CDH18: variants seen among roughly 807,000 people sequenced by gnomAD.
CDH18 encodes the protein cadherin 18.
In CDH18, 31 loss-of-function variants were observed where a neutral mutation model predicts 67.9. That is an observed-to-expected ratio of 0.46 (90% CI 0.34 to 0.62). The LOEUF is 0.62. Ranked by LOEUF, CDH18 falls within the 20% of genes least tolerant of loss-of-function variation. The pLI, the probability that CDH18 is intolerant of heterozygous loss-of-function variation, is 0.01. For missense variants in CDH18, 890 were observed against 975.5 expected, an observed-to-expected ratio of 0.91 and a Z score of 1.17; for synonymous variants, 362 against 347.2, an observed-to-expected ratio of 1.04 and a Z score of -0.48.
chr5:19,826,920 TA>T (rs937757486), intron 3 of CDH18, among the ~76,000 whole-genome samples: 4 of 152,070 alleles, frequency 2.6e-5, no homozygotes, highest in African/African-American at 9.7e-5. Flanking sequence ...ATGTCCCAGT[TA>T]AAGGCACAGA....
intron 1 of CDH18, among the ~76,000 whole-genome samples, chr5:20,325,055 T>C (rs1179663876): frequency 6.6e-6 from 1 of 152,206 alleles, no homozygotes; most frequent in Non-Finnish European, 1.5e-5. Context: ...TTGGGAATGA[T>C]AATAACACCT....
At chr5:20,125,379 TG>T (rs1274255408) in intron 2 of CDH18, among the ~76,000 whole-genome samples, 1 of 152,046 alleles carries the variant, frequency 6.6e-6, no homozygotes, top group Non-Finnish European at 1.5e-5. Context: ...CTAGGTGATT[TG>T]GTATTTTGTA....
chr5:19,774,095 G>A (rs1029016902), intron 3 of CDH18, among the ~76,000 whole-genome samples: 10 of 152,080 alleles, frequency 6.6e-5, no homozygotes, highest in Non-Finnish European at 1.5e-4. Context: ...AATAACATGG[G>A]TTTGGTGCAC....
intron 2 of CDH18, among the ~76,000 whole-genome samples, chr5:20,089,617 C>T (rs1045040217): frequency 6.6e-6 from 1 of 152,016 alleles, no homozygotes; most frequent in African/African-American, 2.4e-5. Flanking sequence ...ATTTTCACTT[C>T]AGTGTGGTTC....
chr5:20,293,070 A>C (rs1488423184), intron 1 of CDH18, among the ~76,000 whole-genome samples: 2 of 152,084 alleles, frequency 1.3e-5, no homozygotes, highest in Non-Finnish European at 2.9e-5. Flanking sequence ...TAATCCCAGC[A>C]CTTTGGGAGG....
chr5:20,538,624 A>T (rs1002429483), intron 1 of CDH18, among the ~76,000 whole-genome samples: 2 of 152,146 alleles, frequency 1.3e-5, no homozygotes, highest in Non-Finnish European at 2.9e-5. Context: ...GTAGGGAGTT[A>T]ATCATGACCA....
intron 3 of CDH18, among the ~76,000 whole-genome samples, chr5:19,773,264 A>G (rs1030536020): frequency 6.6e-6 from 1 of 152,202 alleles, no homozygotes; most frequent in Non-Finnish European, 1.5e-5. Flanking sequence ...CAGAAGTCTG[A>G]AAAGGTAAGT....
At chr5:19,982,712 A>G (rs1336000243) in intron 1 of CDH18, among the ~76,000 whole-genome samples, 1 of 152,160 alleles carries the variant, frequency 6.6e-6, no homozygotes, top group African/African-American at 2.4e-5. Flanking sequence ...AAGTTTTATC[A>G]TAACTGTGTC....
chr5:19,590,971 G>A (rs2150025230), intron 7 of CDH18, 86 bp downstream of exon 7: 1 of 685,382 alleles, frequency 1.5e-6, no homozygotes. Context: ...TGGCCTGACA[G>A]CGTGGATTAT....
At chr5:20,312,438 G>A (rs953764052) in intron 1 of CDH18, among the ~76,000 whole-genome samples, 1 of 152,016 alleles carries the variant, frequency 6.6e-6, no homozygotes, top group Admixed American at 6.6e-5. Context: ...TCACCATAAG[G>A]GGACTATGTC....
At chr5:19,690,764 T>G (rs1420571180) in intron 5 of CDH18, among the ~76,000 whole-genome samples, 1 of 147,316 alleles carries the variant, frequency 6.8e-6, no homozygotes, top group African/African-American at 2.7e-5. Flanking sequence ...CAAGAACAAT[T>G]AACAAGATTG....
intron 2 of CDH18, among the ~76,000 whole-genome samples, chr5:20,245,575 ACAAT>A (rs1310050749): frequency 2.0e-5 from 3 of 152,096 alleles, no homozygotes; most frequent in Non-Finnish European, 4.4e-5. Context: ...GATTTTGAGA[ACAAT>A]CAAAGAGATC....
At chr5:19,507,852 A>G (rs748281566) in intron 10 of CDH18, among the ~76,000 whole-genome samples, 1 of 152,144 alleles carries the variant, frequency 6.6e-6, no homozygotes, top group Admixed American at 6.6e-5. Context: ...ACATGTATAC[A>G]TATGTAACCA....
chr5:20,525,637 A>C (rs1260398432), intron 1 of CDH18, among the ~76,000 whole-genome samples: 1 of 152,152 alleles, frequency 6.6e-6, no homozygotes, highest in Non-Finnish European at 1.5e-5. Context: ...AATTGACCCT[A>C]CTAAACTTAA....
chr5:20,539,827 G>C (rs1025307), intron 1 of CDH18, among the ~76,000 whole-genome samples: 67,353 of 151,378 alleles, frequency 0.44, 15,415 homozygotes, highest in East Asian at 0.57. Context: ...ATTTACTATG[G>C]AAGGAAGACC....
intron 1 of CDH18, among the ~76,000 whole-genome samples, chr5:20,375,969 G>A (rs1003208766): frequency 1.3e-5 from 2 of 151,830 alleles, no homozygotes; most frequent in Non-Finnish European, 2.9e-5. Flanking sequence ...TACAGATACT[G>A]CCTAAATATC....
At chr5:19,985,561 G>T (rs1463310483) in intron 1 of CDH18, among the ~76,000 whole-genome samples, 1 of 151,958 alleles carries the variant, frequency 6.6e-6, no homozygotes, top group African/African-American at 2.4e-5. Flanking sequence ...GAATAGGTAT[G>T]CTACTAAGGA....
intron 8 of CDH18, among the ~76,000 whole-genome samples, chr5:19,558,314 T>C (rs1738817666): frequency 6.6e-6 from 1 of 151,554 alleles, no homozygotes; most frequent in Non-Finnish European, 1.5e-5. Context: ...CTAAGTGAAA[T>C]TGAAACAAAA....
At chr5:20,546,586 G>A (rs1205480505) in intron 1 of CDH18, among the ~76,000 whole-genome samples, 3 of 152,000 alleles carry the variant, frequency 2.0e-5, no homozygotes, top group Admixed American at 6.6e-5. Flanking sequence ...TGAATCCATC[G>A]GTTCTCGCGA....
Sources: gnomAD v4.1 joint callset for allele counts (sites outside exome capture counted in the v4.1 genomes callset) on GRCh38, gnomAD v4.1.1 for gene constraint, MANE v1.5 for transcripts, NCBI Gene and HGNC (gene_info 2026-07-23, HGNC 2026-07-21) for gene names.